The following MAN1A1 variants were observed in gnomAD, a reference collection of about 807,000 sequenced individuals.
MAN1A1 encodes the protein mannosidase alpha class 1A member 1.
In MAN1A1, 29 loss-of-function variants were observed where a neutral mutation model predicts 70.8. The ratio of observed to expected loss-of-function variants is 0.41; its 90% CI spans 0.31 to 0.56. MAN1A1 has a LOEUF of 0.56. MAN1A1 is among the 20% of genes least tolerant of loss of function. The pLI is 0.29. For missense variants in MAN1A1, 747 were observed against 841.3 expected, an observed-to-expected ratio of 0.89 and a Z score of 1.39; for synonymous variants, 349 against 330.1, an observed-to-expected ratio of 1.06 and a Z score of -0.62.
chr6:119,275,601 C>T (rs954056569), intron 5 of MAN1A1, among the ~76,000 whole-genome samples: 1 of 151,504 alleles, frequency 6.6e-6, no homozygotes. Flanking sequence ...CCACCGCGCC[C>T]GGCCTAATTT....
At chr6:119,325,398 C>T (rs554410019) in intron 2 of MAN1A1, among the ~76,000 whole-genome samples, 1 of 152,234 alleles carries the variant, frequency 6.6e-6, no homozygotes, top group Non-Finnish European at 1.5e-5. Context: ...TGGCTCACAC[C>T]TATAATCCCA....
At chr6:119,211,496 G>A (rs965841151) in intron 6 of MAN1A1, among the ~76,000 whole-genome samples, 2 of 152,150 alleles carry the variant, frequency 1.3e-5, no homozygotes, top group African/African-American at 4.8e-5. Context: ...AAACCGAAAA[G>A]CAAAAACAAA....
Position 119,316,159 on chromosome 6 carries a change from A to G in MAN1A1, c.604-9167T>C, listed in dbSNP as rs74296938. 5.3e-3 allele frequency among the ~76,000 whole-genome samples: 771 copies of G among 145,070 alleles called. 30 individuals are homozygous for G. The East Asian group carries it at 0.087, about 16-fold the overall frequency. ...GATCTTTAGTGATCAAGAGAAAAAGATATTCATTTTTGTGGGTTTTTTTTT... is the reference window on the plus strand; with the variant it reads ...GATCTTTAGTGATCAAGAGAAAAAGGTATTCATTTTTGTGGGTTTTTTTTT... On this transcript the variant is annotated intron_variant, in intron 2 of 12. Transcript: ENST00000368468.
At chr6:119,271,838 C>T (rs1211187789) in intron 5 of MAN1A1, among the ~76,000 whole-genome samples, 1 of 152,084 alleles carries the variant, frequency 6.6e-6, no homozygotes, top group African/African-American at 2.4e-5. Flanking sequence ...CCTATAGGCT[C>T]AAAATTTGGT....
intron 4 of MAN1A1, among the ~76,000 whole-genome samples, chr6:119,298,495 A>G (rs1293831850): frequency 6.6e-6 from 1 of 152,148 alleles, no homozygotes; most frequent in Non-Finnish European, 1.5e-5. Flanking sequence ...TGAGTGTAAA[A>G]TTTGTTTATA....
In MAN1A1 at chr6:119,347,711, C is replaced by G. The variant is rs201116415; in HGVS notation, c.603+752G>C. On this transcript the variant is annotated intron_variant, in intron 2 of 12. Coordinates refer to ENST00000368468, the MANE Select transcript of MAN1A1 (RefSeq NM_005907.4). ...CGGCCCCCTTCAGCTTTAAGCTGGT[C>G]CTGACCTAATCACATGTTTCAAGTT... Among the ~76,000 whole-genome samples the G allele has an allele frequency of 2.6e-5, 4 of 152,150 alleles. No homozygotes were observed. In the East Asian group the frequency reaches 7.7e-4, roughly 29 times the overall value.
chr6:119,189,236 G>A (rs117719795), intron 10 of MAN1A1, among the ~76,000 whole-genome samples: 2,235 of 152,262 alleles, frequency 0.015, 28 homozygotes, highest in Non-Finnish European at 0.021. Context: ...AAGTAATTTC[G>A]TAACAGAAGG....
In MAN1A1 at chr6:119,326,175, T is replaced by C. The variant is rs1773142175; in HGVS notation, c.604-19183A>G. 3.9e-5 allele frequency among the ~76,000 whole-genome samples: 6 copies of C among 152,206 alleles called. 1 individual carries two copies. The South Asian group carries it at 1.2e-3, about 32-fold the overall frequency. On this transcript the variant is annotated intron_variant, in intron 2 of 12. Transcript: ENST00000368468. The stretch of plus-strand genomic sequence containing the variant: ...ACACTTTCTGCTCTGTCTCGGCTGC[T>C]TGAGCCGGCTGCTCCCACGTATACC...
intron 6 of MAN1A1, among the ~76,000 whole-genome samples, chr6:119,238,275 T>C (rs940507082): frequency 3.3e-5 from 5 of 152,274 alleles, no homozygotes; most frequent in African/African-American, 1.2e-4. Flanking sequence ...CATAAGAACA[T>C]GTAATTGTTT....
intron 5 of MAN1A1, among the ~76,000 whole-genome samples, chr6:119,271,594 G>A (rs1463986484): frequency 6.6e-6 from 1 of 151,992 alleles, no homozygotes; most frequent in Non-Finnish European, 1.5e-5. Flanking sequence ...CCGCCTCCTG[G>A]GTTCAAGCAA....
rs1199860537 is a variant in MAN1A1 at position 119,179,159 on chromosome 6, G to A, written c.*660C>T. On this transcript the variant is annotated 3_prime_UTR_variant, in exon 13 of 13. Transcript: ENST00000368468. The stretch of plus-strand genomic sequence containing the variant: ...AATTAAAGGACACATTTACAAAATA[G>A]AAAACACTAATATAATTAACCAACA... 6.6e-6 allele frequency: 1 copy of A among 152,274 alleles called. No homozygotes were observed. Among genetic ancestry groups the A allele is most frequent in the Non-Finnish European group, 1.5e-5 (1 of 67,982 alleles). The allele number at this position is 152,274 out of a possible 1,614,324, so 9.4% of individuals were successfully genotyped here.
intron 2 of MAN1A1, among the ~76,000 whole-genome samples, chr6:119,344,039 C>A (rs983833872): frequency 6.6e-6 from 1 of 152,194 alleles, no homozygotes; most frequent in Admixed American, 6.5e-5. Flanking sequence ...TATGTAAGTT[C>A]TTCAATGAAT....
chr6:119,184,166 G>C (rs1442121277), intron 11 of MAN1A1, among the ~76,000 whole-genome samples: 2 of 152,112 alleles, frequency 1.3e-5, no homozygotes, highest in African/African-American at 2.4e-5. Flanking sequence ...AGTGGAAGCT[G>C]TCATGTGTTT....
Position 119,303,317 on chromosome 6 carries a change from C to T in MAN1A1, c.701-1214G>A, listed in dbSNP as rs1214386399. On this transcript the variant is annotated intron_variant, in intron 3 of 12. Transcript: ENST00000368468. The stretch of plus-strand genomic sequence containing the variant: ...TTAGAGTCATGAGGCATGCACTTAG[C>T]CTATAAACTTAGAACAAACAAGTCA... Among the ~76,000 whole-genome samples, 3 of 152,082 alleles carry T rather than the reference C, an allele frequency of 2.0e-5. No individual in the cohort carries two copies. In the East Asian group the frequency reaches 5.8e-4, roughly 29 times the overall value.
chr6:119,254,982 GT>G (rs2114338837), intron 5 of MAN1A1, among the ~76,000 whole-genome samples: 1 of 152,134 alleles, frequency 6.6e-6, no homozygotes, highest in South Asian at 2.1e-4. Flanking sequence ...TTTGATCAAC[GT>G]TTTAAAAACT....
chr6:119,301,579 A>G (rs551662260), intron 4 of MAN1A1, among the ~76,000 whole-genome samples: 3 of 152,356 alleles, frequency 2.0e-5, no homozygotes, highest in African/African-American at 4.8e-5. Context: ...GTGTAAAAGC[A>G]TAAGCACTGG....
intron 8 of MAN1A1, among the ~76,000 whole-genome samples, chr6:119,195,345 A>T (rs1773540642): frequency 6.6e-6 from 1 of 152,150 alleles, no homozygotes; most frequent in Non-Finnish European, 1.5e-5. Flanking sequence ...CTCCTCAAAA[A>T]CATCAGGTTC....
At chr6:119,346,978 G>A (rs1057054001) in intron 2 of MAN1A1, among the ~76,000 whole-genome samples, 2 of 152,180 alleles carry the variant, frequency 1.3e-5, no homozygotes, top group Non-Finnish European at 2.9e-5. Context: ...AGCACAGGCA[G>A]GATTTCATGG....
chr6:119,316,040 T>C (rs117499501), intron 2 of MAN1A1, among the ~76,000 whole-genome samples: 4,257 of 152,268 alleles, frequency 0.028, 93 homozygotes, highest in Non-Finnish European at 0.045. Flanking sequence ...AAGTGACCCC[T>C]TGCAGGCCTG....
Sources: gnomAD v4.1 joint callset for allele counts (sites outside exome capture counted in the v4.1 genomes callset) on GRCh38, gnomAD v4.1.1 for gene constraint, MANE v1.5 for transcripts, NCBI Gene and HGNC (gene_info 2026-07-23, HGNC 2026-07-21) for gene names.